The following CDH23 variants were observed in gnomAD, a reference collection of about 807,000 sequenced individuals.
CDH23 encodes cadherin-23.
Under a neutral mutation model 317.1 loss-of-function variants are expected in CDH23, and 189 were observed. The observed-to-expected ratio is 0.60, with a 90% CI of 0.53 to 0.67. The LOEUF (loss-of-function observed/expected upper bound fraction) is 0.67. CDH23 is among the 30% of genes least tolerant of loss of function. The probability of loss-of-function intolerance (pLI) is 0.00; values close to 1 mark genes in which losing one functional copy is unlikely to be tolerated. For missense variants in CDH23, 4,401 were observed against 4,592.4 expected (o/e 0.96, Z 1.20); for synonymous variants, 1,839 against 1,876.8 (o/e 0.98, Z 0.52).
intron 41 of CDH23, 113 bp from the exon 42 acceptor site, chr10:71,784,174 C>T: frequency 8.4e-7 from 1 of 1,196,954 alleles, no homozygotes; most frequent in Non-Finnish European, 1.2e-6. Flanking sequence ...CGGGCCCCAG[C>T]TGTCCCCCAC....
intron 14 of CDH23, among the ~76,000 whole-genome samples, chr10:71,648,410 C>CCT (rs1564709055): frequency 6.6e-6 from 1 of 152,214 alleles, no homozygotes; most frequent in African/African-American, 2.4e-5. Context: ...GGCTCTGTCC[C>CCT]CTGTGGGTCT....
intron 38 of CDH23, among the ~76,000 whole-genome samples, chr10:71,774,051 G>GCACACACACA (rs57159718): frequency 4.5e-5 from 4 of 88,554 alleles, no homozygotes; most frequent in Admixed American, 4.2e-4. Flanking sequence ...ATGCGCGCGC[G>GCACACACACA]CACACACACA....
rs967980048 is a variant in CDH23, at chr10:71,735,013, G to A, written c.4209+355G>A. Reference sequence around the variant, plus strand: ...TAACGTCTCTGTGCTTCCCTTCCTCGGGTCTAAAACGAGGGTCATGCCAGC... The same window carrying A: ...TAACGTCTCTGTGCTTCCCTTCCTCAGGTCTAAAACGAGGGTCATGCCAGC... On this transcript the variant is annotated intron_variant, in intron 34 of 69. Coordinates refer to ENST00000224721, the MANE Select transcript of CDH23 (RefSeq NM_022124.6). Among the ~76,000 whole-genome samples, 1 of 152,226 alleles carries A rather than the reference G, an allele frequency of 6.6e-6. No homozygotes were observed. Among genetic ancestry groups the A allele is most frequent in the Non-Finnish European group, 1.5e-5 (1 of 68,038 alleles).
At chr10:71,628,301 C>G (rs1861843029) in intron 11 of CDH23, among the ~76,000 whole-genome samples, 2 of 152,208 alleles carry the variant, frequency 1.3e-5, no homozygotes, top group African/African-American at 4.8e-5. Context: ...CTAACTCTGT[C>G]CCCCGAAAGG....
intron 2 of CDH23, among the ~76,000 whole-genome samples, chr10:71,444,055 A>G (rs1850035613): frequency 6.6e-6 from 1 of 152,200 alleles, no homozygotes; most frequent in Non-Finnish European, 1.5e-5. Flanking sequence ...CAAAGCAGCT[A>G]TTGAATTCTC....
At chr10:71,702,442 G>C (rs1865626471) in intron 23 of CDH23, 107 bp from the exon 24 acceptor site, 3 of 1,422,328 alleles carry the variant, frequency 2.1e-6, no homozygotes, top group African/African-American at 1.4e-5. Flanking sequence ...CTTTGGGATG[G>C]AGGGCTCTGA....
At chr10:71,493,215 C>T (rs1379369719) in intron 3 of CDH23, among the ~76,000 whole-genome samples, 2 of 152,152 alleles carry the variant, frequency 1.3e-5, no homozygotes, top group Non-Finnish European at 2.9e-5. Flanking sequence ...ATCCCAGGTG[C>T]TCAGGATTTG....
At chr10:71,499,287 A>G (rs1258777034) in intron 3 of CDH23, among the ~76,000 whole-genome samples, 1 of 152,200 alleles carries the variant, frequency 6.6e-6, no homozygotes, top group Non-Finnish European at 1.5e-5. Flanking sequence ...GTAAAAAAAT[A>G]TAGTTAGCTC....
chr10:71,425,787 A>G (rs1849049640), intron 1 of CDH23, among the ~76,000 whole-genome samples: 1 of 152,264 alleles, frequency 6.6e-6, no homozygotes, highest in Admixed American at 6.5e-5. Flanking sequence ...TGAAATGGGC[A>G]TAACATCACC....
At chr10:71,614,571 G>A (rs1861082026) in intron 9 of CDH23, among the ~76,000 whole-genome samples, 2 of 152,212 alleles carry the variant, frequency 1.3e-5, no homozygotes, top group African/African-American at 4.8e-5. Context: ...GCCGGGAAGG[G>A]AGATCCAATG....
intron 3 of CDH23, among the ~76,000 whole-genome samples, chr10:71,488,000 C>T (rs1031940505): frequency 1.6e-4 from 24 of 152,254 alleles, no homozygotes; most frequent in South Asian, 2.1e-4. Flanking sequence ...AATATGGCAA[C>T]ATCTGCACTC....
intron 30 of CDH23, among the ~76,000 whole-genome samples, chr10:71,728,009 C>T (rs1048157883): frequency 2.0e-5 from 3 of 152,196 alleles, no homozygotes; most frequent in African/African-American, 7.2e-5. Flanking sequence ...CCCCAGCTCC[C>T]TGCCACCTCT....
rs78751600 is a variant in CDH23, at chr10:71,679,331, T to C, written c.1753-56T>C. On this transcript the variant is annotated intron_variant, in intron 16 of 69. Coordinates refer to ENST00000224721, the MANE Select transcript of CDH23 (RefSeq NM_022124.6). ...CCCACCCTCCCAGCTGCCCACCCTC[T>C]TCTGGCCCCCAGTCTCCTGCAGGCT... 0.028 allele frequency: 26,044 copies of C among 946,302 alleles called. 1,888 individuals are homozygous for C. The highest frequency in any genetic ancestry group is 0.16 in the East Asian group (5,880 of 36,514). The allele number at this position is 946,302 out of a possible 1,614,324, so 58.6% of individuals were successfully genotyped here.
chr10:71,700,043 G>T (rs954033307), intron 22 of CDH23, among the ~76,000 whole-genome samples: 1 of 152,200 alleles, frequency 6.6e-6, no homozygotes, highest in African/African-American at 2.4e-5. Context: ...TGATTTAGCT[G>T]CTCTCTTCCT....
At chr10:71,739,955 G>A (rs1314667037) in intron 36 of CDH23, among the ~76,000 whole-genome samples, 183 bp downstream of exon 36, 1 of 152,214 alleles carries the variant, frequency 6.6e-6, no homozygotes, top group Non-Finnish European at 1.5e-5. Flanking sequence ...GCTGACCCAG[G>A]ATAGGGAAAC....
intron 28 of CDH23, chr10:71,713,615 T>G: frequency 3.0e-6 from 1 of 334,494 alleles, no homozygotes; most frequent in South Asian, 3.3e-5. Flanking sequence ...GCCCTGAGGA[T>G]TTGCGAGAGT....
At chr10:71,702,320 C>A in intron 23 of CDH23, 109 bp downstream of exon 23, 1 of 1,274,492 alleles carries the variant, frequency 7.8e-7, no homozygotes, top group Non-Finnish European at 1.1e-6. Flanking sequence ...TATGTCTGAT[C>A]ACCAAGAGTA....
chr10:71,621,970 AC>A (rs1377848876), intron 11 of CDH23, among the ~76,000 whole-genome samples: 1 of 152,092 alleles, frequency 6.6e-6, no homozygotes, highest in Non-Finnish European at 1.5e-5. Flanking sequence ...ACCCATTTGT[AC>A]CTTGTGACAG....
At chr10:71,686,234 C>T (rs955032522) in intron 18 of CDH23, among the ~76,000 whole-genome samples, 10 of 152,156 alleles carry the variant, frequency 6.6e-5, no homozygotes, top group Non-Finnish European at 1.2e-4. Context: ...CTGACATTCT[C>T]CACACCGTTT....
Sources: gnomAD v4.1 joint callset for allele counts (sites outside exome capture counted in the v4.1 genomes callset) on GRCh38, gnomAD v4.1.1 for gene constraint, MANE v1.5 for transcripts, NCBI Gene and HGNC (gene_info 2026-07-23, HGNC 2026-07-21) for gene names.